GNAL: variants seen among roughly 807,000 people sequenced by gnomAD.
GNAL encodes the protein G protein subunit alpha L.
Under a neutral mutation model 55.1 loss-of-function variants are expected in GNAL, and 18 were observed. That is an observed-to-expected ratio of 0.33 (90% CI 0.23 to 0.48). GNAL has a LOEUF of 0.48. Among genes scored for constraint, GNAL ranks in the 20% least tolerant of loss-of-function variants. GNAL has a pLI of 0.99. For synonymous variants in GNAL, 253 were observed against 237.0 expected (o/e 1.07, Z -0.62); for missense variants, 412 against 614.1 (o/e 0.67, Z 3.48).
intron 4 of GNAL, among the ~76,000 whole-genome samples, chr18:11,824,215 A>G (rs2035179375): frequency 6.7e-6 from 1 of 148,982 alleles, no homozygotes; most frequent in Non-Finnish European, 1.5e-5. Flanking sequence ...ACAGAAGCTA[A>G]GACAAAACTT....
At chr18:11,869,465 AG>A (rs1412545400) in intron 9 of GNAL, among the ~76,000 whole-genome samples, 2 of 152,134 alleles carry the variant, frequency 1.3e-5, no homozygotes, top group Non-Finnish European at 2.9e-5. Flanking sequence ...TCTTTGATGA[AG>A]TTCTGATAGT....
chr18:11,753,574 T>A (rs2032935174), intron 2 of GNAL, 54 bp from the exon 3 acceptor site: 1 of 1,105,694 alleles, frequency 9.0e-7, no homozygotes. Context: ...ACTCAATTGA[T>A]TGGAATCAGT....
chr18:11,771,711 T>G (rs559217021), intron 4 of GNAL, among the ~76,000 whole-genome samples: 1 of 151,868 alleles, frequency 6.6e-6, no homozygotes, highest in Non-Finnish European at 1.5e-5. Flanking sequence ...GTGTGCAAAT[T>G]TTTTTGTTGT....
intron 4 of GNAL, among the ~76,000 whole-genome samples, chr18:11,754,681 A>G (rs2032982095): frequency 6.6e-6 from 1 of 152,230 alleles, no homozygotes; most frequent in Non-Finnish European, 1.5e-5. Flanking sequence ...TTGAAGATGC[A>G]CAGCCTTCAG....
intron 5 of GNAL, among the ~76,000 whole-genome samples, chr18:11,834,659 A>G (rs2035461989): frequency 6.6e-6 from 1 of 152,194 alleles, no homozygotes; most frequent in African/African-American, 2.4e-5. Context: ...TTGAGGCTAC[A>G]GTGAGCCAAG....
At chr18:11,771,369 A>C (rs181148962) in intron 4 of GNAL, among the ~76,000 whole-genome samples, 4 of 152,352 alleles carry the variant, frequency 2.6e-5, no homozygotes, top group Non-Finnish European at 4.4e-5. Context: ...ATTGGAAGTT[A>C]ATGATAATGA....
intron 11 of GNAL, among the ~76,000 whole-genome samples, chr18:11,877,526 C>T (rs563842539): frequency 2.0e-5 from 3 of 152,330 alleles, no homozygotes; most frequent in Non-Finnish European, 2.9e-5. Flanking sequence ...GCCACATATG[C>T]TTTATCTGTC....
chr18:11,722,116 A>G (rs1555643100), intron 1 of GNAL, among the ~76,000 whole-genome samples: 1 of 152,148 alleles, frequency 6.6e-6, no homozygotes, highest in Non-Finnish European at 1.5e-5. Flanking sequence ...TTGACAAATA[A>G]TGTTGTTCCC....
chr18:11,884,700 G>C lies in GNAL; in HGVS notation c.*3565G>C. 1 of 1,494,562 alleles carries C rather than the reference G, an allele frequency of 6.7e-7. No individual in the cohort carries two copies. The highest frequency in any genetic ancestry group is 9.2e-7 in the Non-Finnish European group (1 of 1,086,474). 92.6% of individuals were successfully genotyped at this position (1,494,562 alleles called of 1,614,324 possible). ...GAACACCGCAGTCTTAGAAACAGCA[G>C]AGGGAAGACTGCCTTCTCAGGTCCC... On this transcript the variant is annotated 3_prime_UTR_variant, in exon 12 of 12. Coordinates refer to ENST00000334049, the MANE Select transcript of GNAL (RefSeq NM_182978.4).
At chr18:11,714,150 G>A (rs2031900417) in intron 1 of GNAL, among the ~76,000 whole-genome samples, 1 of 152,150 alleles carries the variant, frequency 6.6e-6, no homozygotes, top group South Asian at 2.1e-4. Flanking sequence ...CCTGGGGCCT[G>A]CCCACTAGGT....
chr18:11,841,360 T>C (rs2035608806), intron 5 of GNAL, among the ~76,000 whole-genome samples: 1 of 152,106 alleles, frequency 6.6e-6, no homozygotes. Context: ...GGAAAAGATA[T>C]ACCTGCTAGG....
chr18:11,764,499 T>A (rs1322219008), intron 4 of GNAL, among the ~76,000 whole-genome samples: 1 of 152,210 alleles, frequency 6.6e-6, no homozygotes, highest in Non-Finnish European at 1.5e-5. Context: ...CTGCTCAATC[T>A]TTTGACTTTC....
intron 10 of GNAL, among the ~76,000 whole-genome samples, chr18:11,875,126 G>A (rs1207644923): frequency 6.6e-6 from 1 of 152,192 alleles, no homozygotes; most frequent in African/African-American, 2.4e-5. Context: ...GCCTGAGTGG[G>A]GAGCAGGAAC....
intron 5 of GNAL, among the ~76,000 whole-genome samples, chr18:11,846,437 A>G (rs1307353102): frequency 7.5e-6 from 1 of 132,866 alleles, no homozygotes; most frequent in African/African-American, 2.8e-5. Flanking sequence ...ATATATAAAT[A>G]TATAAATATA....
chr18:11,860,064 T>G (rs530703804), intron 5 of GNAL, among the ~76,000 whole-genome samples: 1 of 152,324 alleles, frequency 6.6e-6, no homozygotes, highest in South Asian at 2.1e-4. Context: ...CTTTAATGAC[T>G]GCACACCAGA....
chr18:11,771,458 A>G (rs1852527180), intron 4 of GNAL, among the ~76,000 whole-genome samples: 1 of 152,020 alleles, frequency 6.6e-6, no homozygotes, highest in African/African-American at 2.4e-5. Flanking sequence ...GTCAGGAACT[A>G]TGTTCAGCAT....
intron 4 of GNAL, among the ~76,000 whole-genome samples, chr18:11,822,595 TGAGAC>T (rs1445957883): frequency 1.3e-5 from 2 of 152,026 alleles, no homozygotes; most frequent in African/African-American, 4.8e-5. Flanking sequence ...AGGGGCAGAG[TGAGAC>T]CACGTCTCAA....
At chr18:11,746,473 G>A in intron 1 of GNAL, 1 of 249,342 alleles carries the variant, frequency 4.0e-6, no homozygotes, top group Non-Finnish European at 7.9e-6. Flanking sequence ...ACCCAGGAGT[G>A]GTGGCACATG....
intron 7 of GNAL, among the ~76,000 whole-genome samples, chr18:11,865,247 A>G (rs1271013875): frequency 6.7e-6 from 1 of 149,176 alleles, no homozygotes; most frequent in Non-Finnish European, 1.5e-5. Flanking sequence ...GGGGCTCACT[A>G]CTGCTTGTGC....
Sources: allele counts gnomAD v4.1 joint callset (sites outside exome capture counted in the v4.1 genomes callset), GRCh38; gene constraint gnomAD v4.1.1; transcripts MANE v1.5; gene names NCBI Gene and HGNC (gene_info 2026-07-23, HGNC 2026-07-21).